The following PDE1C variants were observed in gnomAD, a reference collection of about 807,000 sequenced individuals.
The protein encoded by PDE1C is dual specificity calcium/calmodulin-dependent 3',5'-cyclic nucleotide phosphodiesterase 1C.
A neutral mutation model predicts 93.1 loss-of-function variants in PDE1C; 62 were observed. That is an observed-to-expected ratio of 0.67 (90% CI 0.54 to 0.82). The LOEUF (loss-of-function observed/expected upper bound fraction) is 0.82, where lower values mean the gene tolerates loss of function less well. PDE1C is among the 40% of genes least tolerant of loss of function. The probability of loss-of-function intolerance (pLI) is 0.00; values close to 1 mark genes in which losing one functional copy is unlikely to be tolerated. For synonymous variants in PDE1C, 325 were observed against 310.1 expected, an observed-to-expected ratio of 1.05 and a Z score of -0.50; for missense variants, 742 against 884.6, an observed-to-expected ratio of 0.84 and a Z score of 2.04.
chr7:32,286,348 C>T (rs1811998334), intron 1 of PDE1C, among the ~76,000 whole-genome samples: 1 of 152,190 alleles, frequency 6.6e-6, no homozygotes, highest in Non-Finnish European at 1.5e-5. Flanking sequence ...CAGATCTCTC[C>T]ACTTCCCTGG....
intron 1 of PDE1C, among the ~76,000 whole-genome samples, chr7:32,307,171 A>G (rs984548304): frequency 1.3e-5 from 2 of 152,166 alleles, no homozygotes; most frequent in Admixed American, 6.5e-5. Context: ...TAACACCACA[A>G]TAAAGATTTT....
At chr7:31,952,478 G>A (rs1213170037) in intron 2 of PDE1C, among the ~76,000 whole-genome samples, 1 of 152,100 alleles carries the variant, frequency 6.6e-6, no homozygotes, top group African/African-American at 2.4e-5. Context: ...TCGAACTCCT[G>A]GCCTCAAGCA....
intron 17 of PDE1C, among the ~76,000 whole-genome samples, chr7:31,772,354 AT>A (rs1795545351): frequency 6.6e-6 from 1 of 152,054 alleles, no homozygotes; most frequent in Non-Finnish European, 1.5e-5. Context: ...TGTCCACCCC[AT>A]GTCCTGTATT....
At chr7:32,376,564 C>T (rs752825745) in intron 1 of PDE1C, among the ~76,000 whole-genome samples, 2 of 152,226 alleles carry the variant, frequency 1.3e-5, no homozygotes, top group Non-Finnish European at 2.9e-5. Flanking sequence ...TTTCTCTCCC[C>T]TTAAGCTCGA....
intron 2 of PDE1C, among the ~76,000 whole-genome samples, chr7:31,916,285 C>G (rs941701533): frequency 1.3e-5 from 2 of 152,152 alleles, no homozygotes; most frequent in African/African-American, 4.8e-5. Context: ...TAAAACCCCT[C>G]AAACCTACAT....
At chr7:32,173,767 A>G (rs1416890318) in intron 2 of PDE1C, among the ~76,000 whole-genome samples, 2 of 152,292 alleles carry the variant, frequency 1.3e-5, no homozygotes, top group East Asian at 3.9e-4. Flanking sequence ...GCAGCCCACC[A>G]TAGAAGAAAT....
At chr7:31,840,045 A>G (rs1444255192) in intron 9 of PDE1C, among the ~76,000 whole-genome samples, 2 of 152,188 alleles carry the variant, frequency 1.3e-5, no homozygotes, top group Non-Finnish European at 2.9e-5. Flanking sequence ...TCAATTAAAA[A>G]AGAAAAAAGA....
chr7:32,062,406 C>T (rs1180979891), intron 1 of PDE1C, among the ~76,000 whole-genome samples: 1 of 152,236 alleles, frequency 6.6e-6, no homozygotes, highest in Non-Finnish European at 1.5e-5. Context: ...CCAGTCTGCG[C>T]TGCAGCCACT....
intron 1 of PDE1C, among the ~76,000 whole-genome samples, chr7:32,266,288 A>G (rs1176481786): frequency 6.6e-6 from 1 of 151,450 alleles, no homozygotes; most frequent in Non-Finnish European, 1.5e-5. Flanking sequence ...TCTCAAAAAA[A>G]AAAGAAAAGA....
chr7:31,849,844 C>A (rs370797077), intron 8 of PDE1C, among the ~76,000 whole-genome samples: 39 of 152,186 alleles, frequency 2.6e-4, no homozygotes, highest in Middle Eastern at 3.4e-3. Flanking sequence ...AGTTCTTAGG[C>A]TAGGAGAGGG....
At chr7:31,629,553 A>ATGAC in the PDE1C span, among the ~76,000 whole-genome samples, 1 of 152,218 alleles carries the variant, frequency 6.6e-6, no homozygotes, top group Non-Finnish European at 1.5e-5. Context: ...GTATTTTGAT[A>ATGAC]TGACAGTTTT....
At chr7:32,111,372 T>C (rs1474395652) in intron 3 of PDE1C, among the ~76,000 whole-genome samples, 1 of 152,294 alleles carries the variant, frequency 6.6e-6, no homozygotes, top group African/African-American at 2.4e-5. Flanking sequence ...ACCACATTCA[T>C]AGCATTTTAA....
chr7:32,132,935 A>G (rs1372786347), intron 3 of PDE1C, among the ~76,000 whole-genome samples: 1 of 152,166 alleles, frequency 6.6e-6, no homozygotes, highest in East Asian at 1.9e-4. Flanking sequence ...TTTATTTTTT[A>G]TTTGAAAAGT....
the PDE1C span, among the ~76,000 whole-genome samples, chr7:31,733,157 C>G: frequency 6.6e-6 from 1 of 152,292 alleles, no homozygotes; most frequent in African/African-American, 2.4e-5. Context: ...TGTTACCTCT[C>G]AAATGGATAG....
chr7:32,097,540 G>A (rs2128748450), intron 3 of PDE1C, among the ~76,000 whole-genome samples: 1 of 152,276 alleles, frequency 6.6e-6, no homozygotes, highest in African/African-American at 2.4e-5. Flanking sequence ...GTAGATCACG[G>A]CTCCAACTTC....
intron 17 of PDE1C, among the ~76,000 whole-genome samples, chr7:31,760,373 T>G (rs1794753280): frequency 6.6e-6 from 1 of 152,184 alleles, no homozygotes; most frequent in South Asian, 2.1e-4. Context: ...TGTTTTCCAC[T>G]AAATGAGAGC....
intron 2 of PDE1C, among the ~76,000 whole-genome samples, chr7:32,022,920 A>G (rs997881746): frequency 2.6e-5 from 4 of 151,942 alleles, no homozygotes; most frequent in Non-Finnish European, 4.4e-5. Context: ...TTACCAACAC[A>G]ATAATCCATC....
chr7:31,961,331 C>T (rs1287296587), intron 2 of PDE1C, among the ~76,000 whole-genome samples: 1 of 151,264 alleles, frequency 6.6e-6, no homozygotes, highest in African/African-American at 2.4e-5. Flanking sequence ...TATACATATA[C>T]AAGATTGAGT....
intron 2 of PDE1C, among the ~76,000 whole-genome samples, chr7:31,975,934 C>T (rs1334972656): frequency 6.6e-6 from 1 of 152,206 alleles, no homozygotes; most frequent in African/African-American, 2.4e-5. Context: ...AGTATCACAA[C>T]TCAGGTTGAT....
Sources: gnomAD v4.1 joint callset for allele counts (sites outside exome capture counted in the v4.1 genomes callset) on GRCh38, gnomAD v4.1.1 for gene constraint, MANE v1.5 for transcripts, NCBI Gene and HGNC (gene_info 2026-07-23, HGNC 2026-07-21) for gene names.